Variants in MLLT6 observed in about 807,000 individuals in gnomAD.
The protein encoded by MLLT6 is protein AF-17.
Under a neutral mutation model 103.0 loss-of-function variants are expected in MLLT6, and 22 were observed. The ratio of observed to expected loss-of-function variants is 0.21; its 90% CI spans 0.15 to 0.31. The LOEUF is 0.31. Among genes scored for constraint, MLLT6 ranks in the 10% least tolerant of loss-of-function variants. The pLI is 1.00. For synonymous variants in MLLT6, 606 were observed against 623.5 expected, an observed-to-expected ratio of 0.97 and a Z score of 0.42; for missense variants, 1,199 against 1,441.7, an observed-to-expected ratio of 0.83 and a Z score of 2.73.
At position 38,726,413 on chromosome 17, in the gene MLLT6, GTCTC is replaced by G. The variant is rs1445399618; in HGVS notation, c.*820_*823del. ...TGTGTGTGTGTGTGTCTGTCTGCCT[GTCTC>G]TCTCCTCCTGGACCCAGGGCAGCCA... On this transcript the variant is annotated 3_prime_UTR_variant, in exon 20 of 20. Transcript: ENST00000621332. 3.4e-5 allele frequency: 8 copies of G among 234,340 alleles called. 1 individual carries two copies. The South Asian group carries it at 1.3e-3, about 37-fold the overall frequency. 14.5% of individuals were successfully genotyped at this position (234,340 alleles called of 1,614,324 possible). A position where few individuals can be genotyped will look rare whatever the true frequency, so the allele number is the denominator to read the frequency against.
Position 38,727,789 on chromosome 17 carries a change from T to C in MLLT6, c.*2191T>C, listed in dbSNP as rs937695383. 8.8e-6 allele frequency: 2 copies of C among 226,234 alleles called. No homozygotes were observed. The highest frequency in any genetic ancestry group is 1.8e-5 in the Non-Finnish European group (2 of 113,820). 14.0% of individuals were successfully genotyped at this position (226,234 alleles called of 1,614,324 possible). ...CAGCCTGTGTGAGAGAGTGAGACTC[T>C]GTCTCAAAAGAGAAAAAAAAAGAAA... On this transcript the variant is annotated 3_prime_UTR_variant, in exon 20 of 20. Coordinates refer to ENST00000621332, the MANE Select transcript of MLLT6 (RefSeq NM_005937.4).
chr17:38,720,832 C>G (rs947370017), intron 16 of MLLT6, 85 bp downstream of exon 16: 1 of 1,232,070 alleles, frequency 8.1e-7, no homozygotes, highest in Non-Finnish European at 1.2e-6. Context: ...CTATTGGAGG[C>G]TGGGCAATGA....
chr17:38,719,353 C>A (rs997252342), intron 12 of MLLT6, 164 bp from the exon 13 acceptor site: 1 of 653,504 alleles, frequency 1.5e-6, no homozygotes, highest in Non-Finnish European at 2.6e-6. Flanking sequence ...GCAGGGTTTC[C>A]AAGCCAGGGC....
At chr17:38,720,631 A>C in intron 15 of MLLT6, 28 bp from the exon 16 acceptor site, 2 of 1,613,290 alleles carry the variant, frequency 1.2e-6, no homozygotes, top group African/African-American at 1.3e-5. Context: ...ACTGGCCCTG[A>C]CTGCAGCCTG....
chr17:38,706,092 G>C (rs1411627376), intron 1 of MLLT6: 1 of 154,314 alleles, frequency 6.5e-6, no homozygotes. Context: ...TTTTGGTCCC[G>C]GCTCCTGGAG....
At chr17:38,725,048 A>G (rs1905952351) in intron 19 of MLLT6, 72 bp downstream of exon 19, 1 of 1,115,982 alleles carries the variant, frequency 9.0e-7, no homozygotes. Context: ...CAGAAGGCTT[A>G]TCATCAGGTA....
At chr17:38,715,526 C>T in intron 8 of MLLT6, 86 bp from the exon 9 acceptor site, 1 of 1,477,930 alleles carries the variant, frequency 6.8e-7, no homozygotes, top group Non-Finnish European at 8.9e-7. Flanking sequence ...TGAGCTAGGT[C>T]CTGTGCCCTC....
chr17:38,710,738 C>G (rs2143672168), intron 6 of MLLT6, among the ~76,000 whole-genome samples: 1 of 152,316 alleles, frequency 6.6e-6, no homozygotes, highest in East Asian at 1.9e-4. Context: ...TTGCCCCAGA[C>G]AGTCCCAGTT....
Position 38,725,709 on chromosome 17 carries a change from G to C in MLLT6, c.*111G>C, listed in dbSNP as rs1196001613. On this transcript the variant is annotated 3_prime_UTR_variant, in exon 20 of 20. Transcript: ENST00000621332. ...CCAGACCCTGGAGAGCCTTGACCCA[G>C]AGCCTGTGCTGAGGTCCAGGGAGTG... The C allele has an allele frequency of 4.2e-6, 4 of 943,862 alleles. No homozygotes were observed. The highest frequency in any genetic ancestry group is 6.3e-6 in the Non-Finnish European group (4 of 634,242). The allele number at this position is 943,862 out of a possible 1,614,324, so 58.5% of individuals were successfully genotyped here. A position where few individuals can be genotyped will look rare whatever the true frequency, so the allele number is the denominator to read the frequency against.
Position 38,717,753 on chromosome 17 carries a change from C to T in MLLT6, c.1834-92C>T, listed in dbSNP as rs1292696690. ...CCTCCGGGCTCTGGACCCCTCTGCTCCCCAGCACACCCGGCCCCCTGCACC... is the reference window on the plus strand; with the variant it reads ...CCTCCGGGCTCTGGACCCCTCTGCTTCCCAGCACACCCGGCCCCCTGCACC... On this transcript the variant is annotated intron_variant, in intron 11 of 19. Coordinates refer to ENST00000621332, the MANE Select transcript of MLLT6 (RefSeq NM_005937.4). 4.4e-6 allele frequency: 6 copies of T among 1,361,154 alleles called. No individual in the cohort carries two copies. The African/African-American group carries it at 5.8e-5, about 13-fold the overall frequency. 84.3% of individuals were successfully genotyped at this position (1,361,154 alleles called of 1,614,324 possible).
Position 38,709,121 on chromosome 17 carries a change from C to T in MLLT6, c.355-52C>T. On this transcript the variant is annotated intron_variant, in intron 4 of 19. Coordinates refer to ENST00000621332, the MANE Select transcript of MLLT6 (RefSeq NM_005937.4). The surrounding 1 kb of genome is among the most constrained non-coding windows in gnomAD (Gnocchi z 4.3). ...ATGGAGGGGGTGGCCTAAGGACCATCAGTAGAACAGGGGCTCCCTGGAGGA... is the reference window on the plus strand; with the variant it reads ...ATGGAGGGGGTGGCCTAAGGACCATTAGTAGAACAGGGGCTCCCTGGAGGA... The T allele has an allele frequency of 7.2e-7, 1 of 1,393,432 alleles. No individual in the cohort carries two copies. The highest frequency in any genetic ancestry group is 1.0e-6 in the Non-Finnish European group (1 of 994,652). The allele number at this position is 1,393,432 out of a possible 1,614,324, so 86.3% of individuals were successfully genotyped here.
rs974124857 is a variant in MLLT6, at chr17:38,717,703, C to T, written c.1833+90C>T. ...CAGCCTTCCATGGGAATTGGAGCAA[C>T]TGGGCTGAGTTGCCATCAGACCACC... On this transcript the variant is annotated intron_variant, in intron 11 of 19. Coordinates refer to ENST00000621332, the MANE Select transcript of MLLT6 (RefSeq NM_005937.4). The T allele has an allele frequency of 5.4e-6, 8 of 1,491,842 alleles. 1 individual carries two copies. The Admixed American group carries it at 7.4e-5, about 14-fold the overall frequency. The allele number at this position is 1,491,842 out of a possible 1,614,324, so 92.4% of individuals were successfully genotyped here. A position where few individuals can be genotyped will look rare whatever the true frequency, so the allele number is the denominator to read the frequency against.
At position 38,721,990 on chromosome 17, in the gene MLLT6, C is replaced by T; in HGVS notation, c.2555C>T (p.Pro852Leu). The change falls in exon 17 of 20, where the codon CCT (proline) becomes CTT (leucine). Residue 852 changes from proline to leucine, a missense_variant. By Grantham distance (98) the Pro-to-Leu change is moderately conservative (BLOSUM62 -3). Transcript: ENST00000621332. ...CCTGCCACTCTGCCCCTGGCCCTGC[C>T]TGGGGCCCCTGCCCCACTCCCGCCC... Reference protein sequence around the residue: ...QSPATLPLALPGAPAPLPPQP... With the variant: ...QSPATLPLALLGAPAPLPPQP... 6.7e-7 allele frequency: 1 copy of T among 1,495,230 alleles called. No individual in the cohort carries two copies. Among genetic ancestry groups the T allele is most frequent in the Non-Finnish European group, 8.9e-7 (1 of 1,123,756 alleles). The allele number at this position is 1,495,230 out of a possible 1,614,324, so 92.6% of individuals were successfully genotyped here. A position where few individuals can be genotyped will look rare whatever the true frequency, so the allele number is the denominator to read the frequency against.
Position 38,728,626 on chromosome 17 carries a change from C to T in MLLT6, c.*3028C>T, listed in dbSNP as rs1906161781. On this transcript the variant is annotated 3_prime_UTR_variant, in exon 20 of 20. Coordinates refer to ENST00000621332, the MANE Select transcript of MLLT6 (RefSeq NM_005937.4). ...ACCTGTCTTTAGGGGTCATTTCAGC[C>T]AGCTCCTCCCATCACAGATGACAGC... 4.3e-6 allele frequency: 1 copy of T among 233,736 alleles called. No homozygotes were observed. The highest frequency in any genetic ancestry group is 8.5e-6 in the Non-Finnish European group (1 of 118,218). The allele number at this position is 233,736 out of a possible 1,614,324, so 14.5% of individuals were successfully genotyped here.
In MLLT6 at chr17:38,724,928, C is replaced by T. The variant is rs1598004144; in HGVS notation, c.3192C>T (p.Phe1064=). Reference sequence around the variant, plus strand: ...TCCTCACTGCCCAGACCAACCCCTTCCTCAGCCTGTCGGGAGCAGAGGGCA... The same window carrying T: ...TCCTCACTGCCCAGACCAACCCCTTTCTCAGCCTGTCGGGAGCAGAGGGCA... ...PPVLTAQTNP[F]LSLSGAEGSG... is the part of the protein sequence containing the mutation. Residue 1064 remains phenylalanine (F), a synonymous_variant, in exon 19 of 20, where the codon TTC becomes TTT. Transcript: ENST00000621332. The surrounding 1 kb of genome is among the most constrained non-coding windows in gnomAD (Gnocchi z 5.4). 6.4e-7 allele frequency: 1 copy of T among 1,551,360 alleles called. No individual in the cohort carries two copies.
In MLLT6 at chr17:38,727,050, G is replaced by C. The variant is rs1001087195; in HGVS notation, c.*1452G>C. 49 of 233,514 alleles carry C rather than the reference G, an allele frequency of 2.1e-4. No homozygotes were observed. Among genetic ancestry groups the C allele is most frequent in the Non-Finnish European group, 1.7e-5 (2 of 118,044 alleles). 14.5% of individuals were successfully genotyped at this position (233,514 alleles called of 1,614,324 possible). On this transcript the variant is annotated 3_prime_UTR_variant, in exon 20 of 20. Coordinates refer to ENST00000621332, the MANE Select transcript of MLLT6 (RefSeq NM_005937.4). ...TTGGAGCCCAGGGTAGGGGTTTCCA[G>C]CTTCCCCAGGCTCCGGCCTTGTCAG...
At chr17:38,722,266 G>C in intron 17 of MLLT6, 39 bp downstream of exon 17, 12 of 1,337,844 alleles carry the variant, frequency 9.0e-6, no homozygotes, top group Non-Finnish European at 1.2e-5. Flanking sequence ...GAACAGGGTG[G>C]GGGGCTGGCT....
At position 38,715,791 on chromosome 17, in the gene MLLT6, C is replaced by G. The variant is rs746487354; in HGVS notation, c.999C>G (p.Ser333=). The part of the protein sequence containing the change: ...SFTSASSSSS[S]SSSSSGGPFQ... ...CCTCCGCCTCCTCTTCTTCCTCCTC[C>G]TCTTCCTCCTCCTCTGGGGGGCCCT... The change falls in exon 9 of 20, where the codon TCC becomes TCG. Residue 333 remains serine (S), a synonymous_variant. Coordinates refer to ENST00000621332, the MANE Select transcript of MLLT6 (RefSeq NM_005937.4). 15 of 1,608,124 alleles carry G rather than the reference C, an allele frequency of 9.3e-6. No homozygotes were observed. Among genetic ancestry groups the G allele is most frequent in the Non-Finnish European group, 1.3e-5 (15 of 1,176,964 alleles).
In MLLT6 at chr17:38,721,838, T is replaced by C. The variant is rs576098578; in HGVS notation, c.2443-40T>C. ...GCTGGGCCAGGGGCCAGAAAAGTCATGCTGGCCCTCTGACCCCTCCCTTCC... is the reference window on the plus strand; with the variant it reads ...GCTGGGCCAGGGGCCAGAAAAGTCACGCTGGCCCTCTGACCCCTCCCTTCC... On this transcript the variant is annotated intron_variant, in intron 16 of 19. Transcript: ENST00000621332. 4.2e-6 allele frequency: 6 copies of C among 1,438,158 alleles called. No individual in the cohort carries two copies. The African/African-American group carries it at 5.9e-5, about 14-fold the overall frequency. The allele number at this position is 1,438,158 out of a possible 1,614,324, so 89.1% of individuals were successfully genotyped here. A position where few individuals can be genotyped will look rare whatever the true frequency, so the allele number is the denominator to read the frequency against.
Sources: gnomAD v4.1 joint callset for allele counts (sites outside exome capture counted in the v4.1 genomes callset) on GRCh38, gnomAD v4.1.1 for gene constraint, Gnocchi (gnomAD v3.1) non-coding constraint, MANE v1.5 for transcripts, NCBI Gene and HGNC (gene_info 2026-07-23, HGNC 2026-07-21) for gene names.